KCNQ1: variants seen among roughly 807,000 people sequenced by gnomAD.
The protein encoded by KCNQ1 is potassium voltage-gated channel subfamily Q member 1, also known as potassium voltage-gated channel subfamily KQT member 1.
Under a neutral mutation model 72.4 loss-of-function variants are expected in KCNQ1, and 49 were observed. The ratio of observed to expected loss-of-function variants is 0.68; its 90% CI spans 0.54 to 0.86. The LOEUF (loss-of-function observed/expected upper bound fraction) is 0.86, where lower values mean the gene tolerates loss of function less well. Among genes scored for constraint, KCNQ1 ranks in the 40% least tolerant of loss-of-function variants. The pLI is 0.00. For missense variants in KCNQ1, 790 were observed against 945.1 expected (o/e 0.84, Z 2.15); for synonymous variants, 450 against 412.6 (o/e 1.09, Z -1.10).
Position 2,734,763 on chromosome 11 carries a change from G to A in KCNQ1, c.1515-34081G>A, listed in dbSNP as rs773977850. 1.3e-5 allele frequency among the ~76,000 whole-genome samples: 2 copies of A among 152,030 alleles called. No homozygotes were observed. The highest frequency in any genetic ancestry group is 1.9e-4 in the East Asian group (1 of 5,146). ...AGACAGAAGCGAGGGCAAGACCACCGCTCCTCCGCCATAAACCGTGTTGGA... is the reference window on the plus strand; with the variant it reads ...AGACAGAAGCGAGGGCAAGACCACCACTCCTCCGCCATAAACCGTGTTGGA... On this transcript the variant is annotated intron_variant, in intron 11 of 15. Transcript: ENST00000155840. This position sits in a 1 kb window ranked among gnomAD's most constrained non-coding sequence, Gnocchi z 7.0.
At chr11:2,445,660 G>C (rs1007629089) in intron 1 of KCNQ1, among the ~76,000 whole-genome samples, 176 bp downstream of exon 1, 1 of 152,168 alleles carries the variant, frequency 6.6e-6, no homozygotes, top group African/African-American at 2.4e-5. Flanking sequence ...GTTCAGAGGC[G>C]CTGCTGTGTC....
chr11:2,499,500 A>G (rs1846973482), intron 1 of KCNQ1, among the ~76,000 whole-genome samples: 1 of 151,956 alleles, frequency 6.6e-6, no homozygotes. Context: ...TGCCAATCAA[A>G]AGACAGAGTG....
In KCNQ1 at chr11:2,494,139, C is replaced by G. The variant is rs1474874019; in HGVS notation, c.387-33789C>G. On this transcript the variant is annotated intron_variant, in intron 1 of 15. Coordinates refer to ENST00000155840, the MANE Select transcript of KCNQ1 (RefSeq NM_000218.3). The surrounding 1 kb of genome is among the most constrained non-coding windows in gnomAD (Gnocchi z 4.6). ...GAATGGGGATTCACTCATGATTTGG[C>G]TCTCTGCTTGTCTATTTTTGGTGTA... Among the ~76,000 whole-genome samples, 1 of 152,030 alleles carries G rather than the reference C, an allele frequency of 6.6e-6. No homozygotes were observed. The highest frequency in any genetic ancestry group is 1.5e-5 in the Non-Finnish European group (1 of 68,024).
At position 2,849,038 on chromosome 11, in the gene KCNQ1, G is replaced by T. The variant is rs1050174772; in HGVS notation, c.*1035G>T. On this transcript the variant is annotated 3_prime_UTR_variant, in exon 16 of 16. Transcript: ENST00000155840. ...CACCTTGGTTCCTGGGGCATCCATG[G>T]GGTCTCTCACAGACAGGACCCCTGC... 4.4e-6 allele frequency: 2 copies of T among 454,058 alleles called. No individual in the cohort carries two copies. Among genetic ancestry groups the T allele is most frequent in the Admixed American group, 2.3e-5 (1 of 42,564 alleles). 28.1% of individuals were successfully genotyped at this position (454,058 alleles called of 1,614,324 possible).
rs545535640 is a variant in KCNQ1 at position 2,776,063 on chromosome 11, G to A, written c.1685+9G>A. ...AAGGAGCTGCAGAGGAGGTGGGCAC[G>A]GCCAAACGGCAGCGGGGAGGGTGCC... On this transcript the variant is annotated intron_variant, in intron 13 of 15. Transcript: ENST00000155840. 18 of 1,549,974 alleles carry A rather than the reference G, an allele frequency of 1.2e-5. No individual in the cohort carries two copies. Among genetic ancestry groups the A allele is most frequent in the South Asian group, 7.1e-5 (6 of 84,246 alleles).
chr11:2,818,252 C>A lies in KCNQ1; in HGVS notation c.1795-29515C>A, dbSNP rs887497849. Among the ~76,000 whole-genome samples, 1 of 152,182 alleles carries A rather than the reference C, an allele frequency of 6.6e-6. No individual in the cohort carries two copies. Among genetic ancestry groups the A allele is most frequent in the African/African-American group, 2.4e-5 (1 of 41,434 alleles). ...GAGTGTGGGGGTCAGGAATGGCGTC[C>A]TTGTGCCCTTGTCACCCACTCCTGT... On this transcript the variant is annotated intron_variant, in intron 15 of 15. Coordinates refer to ENST00000155840, the MANE Select transcript of KCNQ1 (RefSeq NM_000218.3). The surrounding 1 kb of genome is among the most constrained non-coding windows in gnomAD (Gnocchi z 7.2).
chr11:2,692,311 T>C (rs768061169), intron 11 of KCNQ1: 8 of 398,874 alleles, frequency 2.0e-5, no homozygotes, highest in Non-Finnish European at 3.1e-5. Flanking sequence ...TCCATCCCTA[T>C]TGCCACTGTC....
chr11:2,847,747 G>A lies in KCNQ1; in HGVS notation c.1795-20G>A, dbSNP rs547982653. 1.9e-5 allele frequency: 30 copies of A among 1,568,586 alleles called. No homozygotes were observed. The highest frequency in any genetic ancestry group is 1.5e-4 in the Admixed American group (8 of 53,962). ...GGTGCTTCCCACCACTGACTCTCTC[G>A]TCTGCCTTTGTCCCCGCAGGTGACG... On this transcript the variant is annotated intron_variant, in intron 15 of 15. Coordinates refer to ENST00000155840, the MANE Select transcript of KCNQ1 (RefSeq NM_000218.3).
At chr11:2,487,497 A>G (rs778298505) in intron 1 of KCNQ1, among the ~76,000 whole-genome samples, 1 of 152,202 alleles carries the variant, frequency 6.6e-6, no homozygotes, top group African/African-American at 2.4e-5. Context: ...CTTCTAATCC[A>G]TGAACATGGG....
chr11:2,564,659 G>A lies in KCNQ1; in HGVS notation c.478-5969G>A, dbSNP rs1008401929. On this transcript the variant is annotated intron_variant, in intron 2 of 15. Transcript: ENST00000155840. This position sits in a 1 kb window ranked among gnomAD's most constrained non-coding sequence, Gnocchi z 4.5. ...CCTTTTTAAGATCACAGTTCCTTGC[G>A]ACCATCGCCACCATCCAGCTCCAGA... Among the ~76,000 whole-genome samples the A allele has an allele frequency of 2.0e-5, 3 of 152,104 alleles. No individual in the cohort carries two copies. Among genetic ancestry groups the A allele is most frequent in the Non-Finnish European group, 4.4e-5 (3 of 68,014 alleles).
chr11:2,603,012 T>C lies in KCNQ1; in HGVS notation c.1393+14158T>C, dbSNP rs1848828964. On this transcript the variant is annotated intron_variant, in intron 10 of 15. Transcript: ENST00000155840. The surrounding 1 kb of genome is among the most constrained non-coding windows in gnomAD (Gnocchi z 4.1). ...GACCCCAAATATCTTCTGCTATAGC[T>C]TTTTTCTAACAGCCTTGTGGAGATA... Among the ~76,000 whole-genome samples, 1 of 152,188 alleles carries C rather than the reference T, an allele frequency of 6.6e-6. No homozygotes were observed. The highest frequency in any genetic ancestry group is 2.4e-5 in the African/African-American group (1 of 41,454).
In KCNQ1 at chr11:2,477,450, A is replaced by G. The variant is rs1174535703; in HGVS notation, c.386+31966A>G. ...GAGAGCCAGTCATGTTAGTGGCTCAATGGGCAGGGTGCCCAGGTTAGCTGT... is the reference window on the plus strand; with the variant it reads ...GAGAGCCAGTCATGTTAGTGGCTCAGTGGGCAGGGTGCCCAGGTTAGCTGT... On this transcript the variant is annotated intron_variant, in intron 1 of 15. Coordinates refer to ENST00000155840, the MANE Select transcript of KCNQ1 (RefSeq NM_000218.3). The surrounding 1 kb of genome is among the most constrained non-coding windows in gnomAD (Gnocchi z 5.0). 6.6e-6 allele frequency among the ~76,000 whole-genome samples: 1 copy of G among 152,192 alleles called. No homozygotes were observed. Among genetic ancestry groups the G allele is most frequent in the African/African-American group, 2.4e-5 (1 of 41,442 alleles).
In KCNQ1 at chr11:2,847,077, G is replaced by A. The variant is rs145482984; in HGVS notation, c.1795-690G>A. Among the ~76,000 whole-genome samples the A allele has an allele frequency of 2.6e-3, 399 of 152,266 alleles. 1 individual carries two copies. The highest frequency in any genetic ancestry group is 9.3e-3 in the African/African-American group (386 of 41,554). On this transcript the variant is annotated intron_variant, in intron 15 of 15. Transcript: ENST00000155840. ...GCTAGGTTAAAGACATGGCATAATG[G>A]TTCCTGGGGGATGACAAAAAAACCC...
chr11:2,833,139 T>C (rs1847986328), intron 15 of KCNQ1, among the ~76,000 whole-genome samples: 2 of 152,120 alleles, frequency 1.3e-5, no homozygotes, highest in Admixed American at 1.3e-4. Flanking sequence ...GAGAACATGC[T>C]GGGTAGGGGT....
intron 1 of KCNQ1, among the ~76,000 whole-genome samples, chr11:2,518,499 C>A (rs1320816671): frequency 6.6e-6 from 1 of 152,142 alleles, no homozygotes; most frequent in Non-Finnish European, 1.5e-5. Context: ...TGGACCCAGC[C>A]GAAAGCTGGC....
In KCNQ1 at chr11:2,540,333, GTCA is replaced by G. The variant is rs533129563; in HGVS notation, c.477+12320_477+12322del. ...CCCTGGCCGTGCACCATTGAAGTGT[GTCA>G]TCATGTGACTTTGCAGGTTGGGGGG... On this transcript the variant is annotated intron_variant, in intron 2 of 15. Coordinates refer to ENST00000155840, the MANE Select transcript of KCNQ1 (RefSeq NM_000218.3). 1.3e-3 allele frequency among the ~76,000 whole-genome samples: 198 copies of G among 152,380 alleles called. 2 individuals are homozygous for G. In the South Asian group the frequency reaches 0.019, roughly 14 times the overall value.
rs910948074 is a variant in KCNQ1, at chr11:2,515,400, G to A, written c.387-12528G>A. Reference sequence around the variant, plus strand: ...TTAACGCCTGCCCTGTGTGAGGGAGGGCGGAGCCCCTGGCCCAGGGGCGGG... The same window carrying A: ...TTAACGCCTGCCCTGTGTGAGGGAGAGCGGAGCCCCTGGCCCAGGGGCGGG... On this transcript the variant is annotated intron_variant, in intron 1 of 15. Transcript: ENST00000155840. The surrounding 1 kb of genome is among the most constrained non-coding windows in gnomAD (Gnocchi z 4.7). Among the ~76,000 whole-genome samples the A allele has an allele frequency of 1.5e-4, 8 of 51,868 alleles. No individual in the cohort carries two copies. The highest frequency in any genetic ancestry group is 2.9e-4 in the African/African-American group (8 of 27,152). 34.0% of individuals were successfully genotyped at this position (51,868 alleles called of 152,430 possible).
At position 2,651,349 on chromosome 11, in the gene KCNQ1, T is replaced by C. The variant is rs1395527473; in HGVS notation, c.1394-10612T>C. The C allele has an allele frequency of 2.5e-6, 1 of 398,606 alleles. No homozygotes were observed. 24.7% of individuals were successfully genotyped at this position (398,606 alleles called of 1,614,324 possible). A position where few individuals can be genotyped will look rare whatever the true frequency, so the allele number is the denominator to read the frequency against. Reference sequence around the variant, plus strand: ...GAGTTCTACAAGCGGCTGAGAGAGCTGGGGTATTTATCTTTCACTAGTGAG... The same window carrying C: ...GAGTTCTACAAGCGGCTGAGAGAGCCGGGGTATTTATCTTTCACTAGTGAG... On this transcript the variant is annotated intron_variant, in intron 10 of 15. Coordinates refer to ENST00000155840, the MANE Select transcript of KCNQ1 (RefSeq NM_000218.3). This position sits in a 1 kb window ranked among gnomAD's most constrained non-coding sequence, Gnocchi z 6.1.
chr11:2,533,491 C>T (rs542307637), intron 2 of KCNQ1, among the ~76,000 whole-genome samples: 1 of 152,352 alleles, frequency 6.6e-6, no homozygotes, highest in East Asian at 1.9e-4. Flanking sequence ...CACGTGTGTA[C>T]GTACGTGCAT....
Sources: allele counts gnomAD v4.1 joint callset (sites outside exome capture counted in the v4.1 genomes callset), GRCh38; gene constraint gnomAD v4.1.1; non-coding constraint Gnocchi (gnomAD v3.1); transcripts MANE v1.5; gene names NCBI Gene and HGNC (gene_info 2026-07-23, HGNC 2026-07-21).